Variants in DNAH2 observed in about 807,000 individuals in gnomAD.
DNAH2 encodes axonemal beta dynein heavy chain 2.
DNAH2 carries 323 observed loss-of-function variants against 523.5 expected under a neutral mutation model. The ratio of observed to expected loss-of-function variants is 0.62; its 90% CI spans 0.56 to 0.68. The LOEUF (loss-of-function observed/expected upper bound fraction) is 0.68. Among genes scored for constraint, DNAH2 ranks in the 30% least tolerant of loss-of-function variants. The pLI, the probability that DNAH2 is intolerant of heterozygous loss-of-function variation, is 0.00. For missense variants in DNAH2, 4,907 were observed against 5,701.5 expected, an observed-to-expected ratio of 0.86 and a Z score of 4.49; for synonymous variants, 2,093 against 2,177.4, an observed-to-expected ratio of 0.96 and a Z score of 1.08.
In DNAH2 at chr17:7,760,549, C is replaced by T. The variant is rs188754952; in HGVS notation, c.2786-191C>T. Among the ~76,000 whole-genome samples the T allele has an allele frequency of 4.1e-4, 63 of 152,236 alleles. No homozygotes were observed. In the East Asian group the frequency reaches 0.01, roughly 25 times the overall value. Reference sequence around the variant, plus strand: ...ATACCAACAGACAAGACATCACATCCTATGAAGGAGACACTAAGAGTCACA... The same window carrying T: ...ATACCAACAGACAAGACATCACATCTTATGAAGGAGACACTAAGAGTCACA... On this transcript the variant is annotated intron_variant, in intron 17 of 85. Transcript: ENST00000572933. The surrounding 1 kb of genome is among the most constrained non-coding windows in gnomAD (Gnocchi z 4.0).
Position 7,757,153 on chromosome 17 carries a change from A to G in DNAH2, c.1967A>G (p.His656Arg), listed in dbSNP as rs922112041. Residue 656 changes from histidine to arginine, a missense_variant, in exon 13 of 86, where the codon CAT becomes CGT. His to Arg is a conservative substitution (Grantham distance 29, BLOSUM62 0). This residue lies in a region of DNAH2 where 2,806 missense variants were observed against 3,190.8 expected (regional missense o/e 0.88). Coordinates refer to ENST00000572933, the MANE Select transcript of DNAH2 (RefSeq NM_020877.5). ...GAGCGGCTGCTGTTTGAGACGCCCC[A>G]TTACGTGGTGAACGTAGCTGAGCGA... ...YWERLLFETPHYVVNVAERAE... is the reference protein window; with the variant it reads ...YWERLLFETPRYVVNVAERAE... 6.2e-7 allele frequency: 1 copy of G among 1,614,060 alleles called. No homozygotes were observed. Among genetic ancestry groups the G allele is most frequent in the South Asian group, 1.1e-5 (1 of 91,090 alleles).
Position 7,740,562 on chromosome 17 carries a change from C to A in DNAH2, c.1506+13C>A. On this transcript the variant is annotated intron_variant, in intron 10 of 85. Coordinates refer to ENST00000572933, the MANE Select transcript of DNAH2 (RefSeq NM_020877.5). ...TGCCTCCCGCGAGGTGCGGCTGCCC[C>A]GCGGCTTCCTCGGCTTCCCGTCCCG... 6.2e-7 allele frequency: 1 copy of A among 1,611,952 alleles called. No homozygotes were observed. Among genetic ancestry groups the A allele is most frequent in the Non-Finnish European group, 8.5e-7 (1 of 1,179,728 alleles).
intron 12 of DNAH2, among the ~76,000 whole-genome samples, chr17:7,749,779 G>A (rs987576682): frequency 5.0e-4 from 76 of 151,982 alleles, no homozygotes; most frequent in African/African-American, 1.8e-3. Flanking sequence ...GGTGGATCAC[G>A]AGGTCAGGAG....
intron 49 of DNAH2, 127 bp downstream of exon 49, chr17:7,794,485 G>A: frequency 1.3e-6 from 1 of 755,464 alleles, no homozygotes; most frequent in South Asian, 2.1e-5. Flanking sequence ...CAGGACGCTG[G>A]GACGATCCGT....
rs1023768291 is a variant in DNAH2 at position 7,786,518 on chromosome 17, A to G, written c.6349-52A>G. On this transcript the variant is annotated intron_variant, in intron 40 of 85. Transcript: ENST00000572933. The surrounding 1 kb of genome is among the most constrained non-coding windows in gnomAD (Gnocchi z 7.5). ...GTACCTAAGAGGGGTCTGGAAATAA[A>G]GAGGGGTTTTTGTCCATCAGCAGCT... is the stretch of plus-strand genomic sequence containing the variant. 5 of 1,552,178 alleles carry G rather than the reference A, an allele frequency of 3.2e-6. No homozygotes were observed. The highest frequency in any genetic ancestry group is 4.4e-6 in the Non-Finnish European group (5 of 1,127,828).
rs2077065438 is a variant in DNAH2 at position 7,796,448 on chromosome 17, C to A, written c.7675-16C>A. 2.5e-6 allele frequency: 4 copies of A among 1,613,174 alleles called. No individual in the cohort carries two copies. The South Asian group carries it at 3.3e-5, about 13-fold the overall frequency. On this transcript the variant is annotated splice_polypyrimidine_tract_variant and intron_variant, in intron 49 of 85. Coordinates refer to ENST00000572933, the MANE Select transcript of DNAH2 (RefSeq NM_020877.5). Reference sequence around the variant, plus strand: ...AGGCCAGCAGCCCTGGAGAGTGAGCCAGGGTCTGTTTCTAGAAGTCCCAGA... The same window carrying A: ...AGGCCAGCAGCCCTGGAGAGTGAGCAAGGGTCTGTTTCTAGAAGTCCCAGA...
At chr17:7,778,049 C>G (rs1195721229) in intron 33 of DNAH2, 28 bp from the exon 34 acceptor site, 2 of 1,591,018 alleles carry the variant, frequency 1.3e-6, no homozygotes, top group East Asian at 4.5e-5. Flanking sequence ...AAGCCCACCT[C>G]TCTCTTTTTC....
intron 36 of DNAH2, among the ~76,000 whole-genome samples, chr17:7,779,744 C>G (rs1277393391): frequency 6.6e-6 from 1 of 152,120 alleles, no homozygotes; most frequent in Non-Finnish European, 1.5e-5. Flanking sequence ...GCAGCAGGCT[C>G]TAGGGTCTCT....
At position 7,799,258 on chromosome 17, in the gene DNAH2, T is replaced by G. The variant is rs770528893; in HGVS notation, c.8699+16T>G. The G allele has an allele frequency of 6.2e-7, 1 of 1,612,826 alleles. No individual in the cohort carries two copies. The highest frequency in any genetic ancestry group is 1.1e-5 in the South Asian group (1 of 91,050). On this transcript the variant is annotated intron_variant, in intron 56 of 85. Transcript: ENST00000572933. ...ATCCCTTCAGGTGACTTCTGTGACATCCTTCTCTCAGCCCCTTCTGTGTGC... is the reference window on the plus strand; with the variant it reads ...ATCCCTTCAGGTGACTTCTGTGACAGCCTTCTCTCAGCCCCTTCTGTGTGC...
chr17:7,727,005 C>T, intron 3 of DNAH2, 117 bp from the exon 4 acceptor site: 2 of 1,143,020 alleles, frequency 1.7e-6, no homozygotes, highest in Non-Finnish European at 2.4e-6. Flanking sequence ...TTCTCCTAAC[C>T]ATTCTGAACC....
intron 6 of DNAH2, 58 bp from the exon 7 acceptor site, chr17:7,734,412 G>A: frequency 6.2e-7 from 1 of 1,602,350 alleles, no homozygotes; most frequent in Non-Finnish European, 8.5e-7. Context: ...GGGGAGTGAA[G>A]GATGCTGTTG....
chr17:7,765,683 G>C (rs1043736101), intron 21 of DNAH2, 118 bp downstream of exon 21: 5 of 1,197,358 alleles, frequency 4.2e-6, no homozygotes, highest in East Asian at 4.9e-5. Flanking sequence ...GTGCTGGGGT[G>C]GGGGAAGAGC....
chr17:7,804,538 TC>T, intron 59 of DNAH2, 72 bp downstream of exon 59: 1 of 1,532,970 alleles, frequency 6.5e-7, no homozygotes, highest in South Asian at 1.2e-5. Context: ...GAACCCATGT[TC>T]CCCCCTTCTT....
chr17:7,804,895 A>G, intron 59 of DNAH2, 63 bp from the exon 60 acceptor site: 1 of 1,381,852 alleles, frequency 7.2e-7, no homozygotes, highest in Non-Finnish European at 1.0e-6. Flanking sequence ...TTCCACCAAC[A>G]CCGTCACTCC....
In DNAH2 at chr17:7,770,346, C is replaced by G. The variant is rs750768961; in HGVS notation, c.4036C>G (p.Gln1346Glu). Residue 1346 changes from glutamine (Q) to glutamate (E), a missense_variant, in exon 25 of 86, where the codon CAG becomes GAG. By Grantham distance (29) the Gln-to-Glu change is conservative. This residue lies in a region of DNAH2 where 2,806 missense variants were observed against 3,190.8 expected (regional missense o/e 0.88). Transcript: ENST00000572933. ...LEQIVELGMD[Q>E]HVEKIGEISA... is the part of the protein sequence containing the mutation. ...GCAGATTGTGGAGCTTGGGATGGAT[C>G]AGCATGTGGAGAAAATTGGGGAGAT... 6 of 1,613,930 alleles carry G rather than the reference C, an allele frequency of 3.7e-6. No individual in the cohort carries two copies. Among genetic ancestry groups the G allele is most frequent in the Non-Finnish European group, 4.2e-6 (5 of 1,179,986 alleles).
Position 7,833,627 on chromosome 17 carries a change from G to C in DNAH2, c.*94G>C. On this transcript the variant is annotated 3_prime_UTR_variant, in exon 86 of 86. Coordinates refer to ENST00000572933, the MANE Select transcript of DNAH2 (RefSeq NM_020877.5). ...TAGGACTGAGGCCGGACCTCACTCAGACTTTGACCTTGGCCGAATTTGTGT... is the reference window on the plus strand; with the variant it reads ...TAGGACTGAGGCCGGACCTCACTCACACTTTGACCTTGGCCGAATTTGTGT... 1 of 1,565,020 alleles carries C rather than the reference G, an allele frequency of 6.4e-7. No homozygotes were observed.
At chr17:7,822,928 A>G (rs1270363821) in intron 73 of DNAH2, among the ~76,000 whole-genome samples, 1 of 152,182 alleles carries the variant, frequency 6.6e-6, no homozygotes, top group Non-Finnish European at 1.5e-5. Flanking sequence ...GTGAGGGCTA[A>G]GGGCAGGGTC....
chr17:7,765,374 C>G lies in DNAH2; in HGVS notation c.3337-17C>G, dbSNP rs1052977860. Reference sequence around the variant, plus strand: ...ACCTCCTGCTCCTGGTCATCCTCCACTCTCTGACTCCCCCAGGTCCTGGAG... The same window carrying G: ...ACCTCCTGCTCCTGGTCATCCTCCAGTCTCTGACTCCCCCAGGTCCTGGAG... On this transcript the variant is annotated splice_polypyrimidine_tract_variant and intron_variant, in intron 20 of 85. Transcript: ENST00000572933. 10 of 1,606,164 alleles carry G rather than the reference C, an allele frequency of 6.2e-6. No individual in the cohort carries two copies. The highest frequency in any genetic ancestry group is 8.5e-6 in the Non-Finnish European group (10 of 1,176,138).
intron 77 of DNAH2, among the ~76,000 whole-genome samples, chr17:7,829,110 G>A (rs2078099376): frequency 1.3e-5 from 2 of 151,992 alleles, no homozygotes; most frequent in Non-Finnish European, 2.9e-5. Flanking sequence ...CTCCTCCTGG[G>A]TTCAAGCGAT....
Sources: gnomAD v4.1 joint callset for allele counts (sites outside exome capture counted in the v4.1 genomes callset) on GRCh38, gnomAD v4.1.1 for gene constraint, gnomAD v4.1.1 regional missense constraint, Gnocchi (gnomAD v3.1) non-coding constraint, MANE v1.5 for transcripts, NCBI Gene and HGNC (gene_info 2026-07-23, HGNC 2026-07-21) for gene names.